PPP1R27: variants seen among roughly 807,000 people sequenced by gnomAD.
PPP1R27 encodes dysferlin interacting protein 1.
Under a neutral mutation model 12.0 loss-of-function variants are expected in PPP1R27, and 10 were observed. That is an observed-to-expected ratio of 0.84 (90% CI 0.52 to 1.42). The LOEUF is 1.42. Ranked by LOEUF, PPP1R27 falls within the 40% of genes most tolerant of loss-of-function variation. The probability of loss-of-function intolerance (pLI) is 0.00; values close to 1 mark genes in which losing one functional copy is unlikely to be tolerated. For synonymous variants in PPP1R27, 98 were observed against 89.3 expected, an observed-to-expected ratio of 1.10 and a Z score of -0.55; for missense variants, 246 against 215.3, an observed-to-expected ratio of 1.14 and a Z score of -0.89.
chr17:81,833,940 G>A, intron 2 of PPP1R27, 88 bp from the exon 3 acceptor site: 5 of 1,473,830 alleles, frequency 3.4e-6, no homozygotes, highest in Admixed American at 4.1e-5. Flanking sequence ...GAGTCCTGGG[G>A]TCACCTGTGT....
At chr17:81,833,910 CA>C in intron 2 of PPP1R27, 58 bp from the exon 3 acceptor site, 2 of 1,560,684 alleles carry the variant, frequency 1.3e-6, no homozygotes, top group South Asian at 2.4e-5. Flanking sequence ...GTGCTCGCCC[CA>C]ACCCGGGTCA....
intron 2 of PPP1R27, chr17:81,834,253 C>T: frequency 1.9e-6 from 1 of 514,936 alleles, no homozygotes; most frequent in Non-Finnish European, 3.5e-6. Context: ...AGGCGCGCGC[C>T]ACCACGCGTG....
Position 81,834,795 on chromosome 17 carries a change from C to G in PPP1R27, c.159G>C (p.Arg53=), listed in dbSNP as rs199960806. 2 of 1,612,920 alleles carry G rather than the reference C, an allele frequency of 1.2e-6. No homozygotes were observed. Among genetic ancestry groups the G allele is most frequent in the South Asian group, 2.2e-5 (2 of 90,996 alleles). ...LEQVGRFIRT[R]KVSLATIHPS... The stretch of plus-strand genomic sequence containing the variant: ...GGTGGATGGTGGCCAGGGAGACTTT[C>G]CGAGTCCGGATGAAGCGCCCCACCT... Residue 53 remains arginine (R), a synonymous_variant, in exon 1 of 3, where the codon CGG becomes CGC. Transcript: ENST00000330261.
rs2038592398 is a variant in PPP1R27 at position 81,834,777 on chromosome 17, G to A, written c.177C>T (p.Thr59=). ...GGCTTTGCTCACCTGAGGGGTGGATGGTGGCCAGGGAGACTTTCCGAGTCC... is the reference window on the plus strand; with the variant it reads ...GGCTTTGCTCACCTGAGGGGTGGATAGTGGCCAGGGAGACTTTCCGAGTCC... ...FIRTRKVSLA[T]IHPSGLAALH... is the part of the protein sequence containing the mutation. The change falls in exon 1 of 3, where the codon ACC becomes ACT. Residue 59 remains threonine, a synonymous_variant. Transcript: ENST00000330261. The A allele has an allele frequency of 1.2e-6, 2 of 1,612,222 alleles. No homozygotes were observed. Among genetic ancestry groups the A allele is most frequent in the Admixed American group, 1.7e-5 (1 of 59,922 alleles).
At position 81,834,753 on chromosome 17, in the gene PPP1R27, G is replaced by T; in HGVS notation, c.190+11C>A. 2 of 1,610,518 alleles carry T rather than the reference G, an allele frequency of 1.2e-6. No homozygotes were observed. Among genetic ancestry groups the T allele is most frequent in the Non-Finnish European group, 1.7e-6 (2 of 1,177,704 alleles). On this transcript the variant is annotated intron_variant, in intron 1 of 2. Transcript: ENST00000330261. Reference sequence around the variant, plus strand: ...CACAGGCCCTGGCCAGCTCTTCCAGGCTTTGCTCACCTGAGGGGTGGATGG... The same window carrying T: ...CACAGGCCCTGGCCAGCTCTTCCAGTCTTTGCTCACCTGAGGGGTGGATGG...
intron 2 of PPP1R27, 185 bp downstream of exon 2, chr17:81,834,318 A>T: frequency 1.6e-6 from 1 of 625,004 alleles, no homozygotes; most frequent in Non-Finnish European, 2.7e-6. Context: ...TCCTGACCTC[A>T]GGTGATCCGC....
Position 81,833,757 on chromosome 17 carries a change from T to TC in PPP1R27, c.436dup (p.Glu146GlyfsTer64). 2 of 1,552,122 alleles carry TC rather than the reference T, an allele frequency of 1.3e-6. No individual in the cohort carries two copies. The highest frequency in any genetic ancestry group is 1.7e-6 in the Non-Finnish European group (2 of 1,147,746). On this transcript the variant is annotated frameshift_variant, in exon 3 of 3. Coordinates refer to ENST00000330261, the MANE Select transcript of PPP1R27 (RefSeq NM_001007533.4). LOFTEE classifies it high-confidence loss of function. ...GTCCATCGTGGTCCCTTTGAAGAGC[T>TC]CCACCAGCTCCTTGTAGTCCGGGTC...
chr17:81,834,037 G>C (rs2038579283), intron 2 of PPP1R27, 185 bp from the exon 3 acceptor site: 1 of 644,718 alleles, frequency 1.6e-6, no homozygotes, highest in Admixed American at 3.1e-5. Flanking sequence ...TTTTCAAGTT[G>C]GTTCTATTGA....
chr17:81,834,193 TC>T lies in PPP1R27; in HGVS notation c.341+309del, dbSNP rs2038581803. 10 of 457,464 alleles carry T rather than the reference TC, an allele frequency of 2.2e-5. No homozygotes were observed. The East Asian group carries it at 3.7e-4, about 17-fold the overall frequency. The allele number at this position is 457,464 out of a possible 1,614,324, so 28.3% of individuals were successfully genotyped here. On this transcript the variant is annotated intron_variant, in intron 2 of 2. Coordinates refer to ENST00000330261, the MANE Select transcript of PPP1R27 (RefSeq NM_001007533.4). Reference sequence around the variant, plus strand: ...ATCTCGACTCACGGCAACCTCCACTTCCCGGGTTCAAGTGATTCTCCTGCCT... The same window carrying T: ...ATCTCGACTCACGGCAACCTCCACTTCCGGGTTCAAGTGATTCTCCTGCCT...
At position 81,834,574 on chromosome 17, in the gene PPP1R27, A is replaced by G. The variant is rs2038588754; in HGVS notation, c.270T>C (p.Ile90=). ...VKLLVKYGAD[I]HQRDEAGWTP... ...TCCAGCCCGCCTCATCTCGCTGGTG[A>G]ATGTCAGCCCCGTATTTGACCAGCA... The change falls in exon 2 of 3, where the codon ATT becomes ATC. Residue 90 remains isoleucine (I), a synonymous_variant. Transcript: ENST00000330261. 2 of 1,614,158 alleles carry G rather than the reference A, an allele frequency of 1.2e-6. No individual in the cohort carries two copies. The highest frequency in any genetic ancestry group is 1.7e-6 in the Non-Finnish European group (2 of 1,180,012).
At chr17:81,834,034 G>A (rs2038579229) in intron 2 of PPP1R27, 182 bp from the exon 3 acceptor site, 1 of 661,908 alleles carries the variant, frequency 1.5e-6, no homozygotes, top group African/African-American at 1.8e-5. Flanking sequence ...AGCTTTTCAA[G>A]TTGGTTCTAT....
In PPP1R27 at chr17:81,834,985, G is replaced by T; in HGVS notation, c.-32C>A. On this transcript the variant is annotated 5_prime_UTR_variant, in exon 1 of 3. Coordinates refer to ENST00000330261, the MANE Select transcript of PPP1R27 (RefSeq NM_001007533.4). ...CGCTGTGGGGCAGGTTGCCCCTGGG[G>T]ACCCTACTGCACTGGGGTTAATAAT... is the stretch of plus-strand genomic sequence containing the variant. The T allele has an allele frequency of 6.4e-7, 1 of 1,554,722 alleles. No homozygotes were observed. Among genetic ancestry groups the T allele is most frequent in the South Asian group, 1.2e-5 (1 of 83,206 alleles).
At chr17:81,834,242 C>T in intron 2 of PPP1R27, 2 of 496,790 alleles carry the variant, frequency 4.0e-6, no homozygotes, top group Non-Finnish European at 7.2e-6. Flanking sequence ...GCTGGGATTA[C>T]AGGCGCGCGC....
chr17:81,834,358 A>T, intron 2 of PPP1R27, 145 bp downstream of exon 2: 1 of 853,286 alleles, frequency 1.2e-6, no homozygotes. Context: ...TGCTGGGATT[A>T]CAGGCGCAGG....
At position 81,834,535 on chromosome 17, in the gene PPP1R27, A is replaced by G. The variant is rs944895288; in HGVS notation, c.309T>C (p.Ile103=). 1.9e-6 allele frequency: 3 copies of G among 1,613,978 alleles called. No homozygotes were observed. The African/African-American group carries it at 4.0e-5, about 22-fold the overall frequency. The change falls in exon 2 of 3, where the codon ATT becomes ATC. Residue 103 remains isoleucine, a synonymous_variant. Coordinates refer to ENST00000330261, the MANE Select transcript of PPP1R27 (RefSeq NM_001007533.4). ...RDEAGWTPLH[I]ACSDGYPDIA... is the part of the protein sequence containing the mutation. Reference sequence around the variant, plus strand: ...TGTCAGGGTACCCATCGCTGCAGGCAATGTGCAGGGGTGTCCAGCCCGCCT... The same window carrying G: ...TGTCAGGGTACCCATCGCTGCAGGCGATGTGCAGGGGTGTCCAGCCCGCCT...
At chr17:81,833,953 C>T (rs890603580) in intron 2 of PPP1R27, 101 bp from the exon 3 acceptor site, 2 of 1,403,464 alleles carry the variant, frequency 1.4e-6, no homozygotes, top group African/African-American at 2.9e-5. Flanking sequence ...ACCTGTGTGT[C>T]CCCCACCTTG....
At chr17:81,834,173 G>A (rs2038581201) in intron 2 of PPP1R27, 1 of 459,096 alleles carries the variant, frequency 2.2e-6, no homozygotes, top group Non-Finnish European at 3.9e-6. Flanking sequence ...GCATGATCTC[G>A]ACTCACGGCA....
Position 81,834,956 on chromosome 17 carries a change from T to A in PPP1R27, c.-3A>T, listed in dbSNP as rs2038596467. On this transcript the variant is annotated 5_prime_UTR_variant, in exon 1 of 3. Coordinates refer to ENST00000330261, the MANE Select transcript of PPP1R27 (RefSeq NM_001007533.4). ...TAGCGGGCAGTTCTGCTAGGCATCT[T>A]GGGCGCTGTGGGGCAGGTTGCCCCT... 1 of 1,593,694 alleles carries A rather than the reference T, an allele frequency of 6.3e-7. No homozygotes were observed. Among genetic ancestry groups the A allele is most frequent in the South Asian group, 1.1e-5 (1 of 88,648 alleles).
Position 81,834,921 on chromosome 17 carries a change from G to A in PPP1R27, c.33C>T (p.Tyr11=), listed in dbSNP as rs1386856243. 8.7e-6 allele frequency: 14 copies of A among 1,611,424 alleles called. No individual in the cohort carries two copies. The highest frequency in any genetic ancestry group is 1.7e-5 in the Admixed American group (1 of 59,808). Residue 11 remains tyrosine (Y), a synonymous_variant, in exon 1 of 3, where the codon TAC becomes TAT. Coordinates refer to ENST00000330261, the MANE Select transcript of PPP1R27 (RefSeq NM_001007533.4). ...TCCGCCGCCGCCGCTGCCGTGGGCT[G>A]TAGCGGGCATAGCGGGCAGTTCTGC... MPSRTARYAR[Y]SPRQRRRRML...
Sources: gnomAD v4.1 joint callset for allele counts on GRCh38, gnomAD v4.1.1 for gene constraint, MANE v1.5 for transcripts, NCBI Gene and HGNC (gene_info 2026-07-23, HGNC 2026-07-21) for gene names.